Variants in GRIA3 observed in about 807,000 individuals in gnomAD.
GRIA3 encodes glutamate receptor 3.
A neutral mutation model predicts 63.0 loss-of-function variants in GRIA3; 3 were observed. The observed-to-expected ratio is 0.05, with a 90% CI of 0.02 to 0.12. GRIA3 has a LOEUF of 0.12. GRIA3 is among the 10% of genes least tolerant of loss of function. The pLI, the probability that GRIA3 is intolerant of heterozygous loss-of-function variation, is 1.00. For synonymous variants in GRIA3, 274 were observed against 257.9 expected (o/e 1.06, Z -0.60); for missense variants, 347 against 700.9 (o/e 0.50, Z 5.70).
rs190615852 is a variant in GRIA3 at position 123,199,878 on chromosome X, A to C, written c.268+13888A>C. On this transcript the variant is annotated intron_variant, in intron 2 of 15. Transcript: ENST00000620443. The stretch of plus-strand genomic sequence containing the variant: ...GAGCAAAACAAAGTCTTGAAGTCCT[A>C]TTACAGATCATAGACCGTTGGAGCT... Among the ~76,000 whole-genome samples the C allele has an allele frequency of 3.5e-4, 39 of 111,997 alleles. No homozygotes were observed. The Admixed American group carries it at 3.7e-3, about 11-fold the overall frequency.
chrX:123,404,620 T>C, intron 9 of GRIA3, 88 bp from the exon 10 acceptor site: 1 of 649,012 alleles, frequency 1.5e-6, no homozygotes, highest in Non-Finnish European at 2.5e-6. Context: ...CAAACCTCAA[T>C]AGTCACAGAG....
intron 4 of GRIA3, among the ~76,000 whole-genome samples, chrX:123,330,364 G>A (rs1182162010): frequency 1.8e-5 from 2 of 111,801 alleles, no homozygotes; most frequent in Admixed American, 9.5e-5. Flanking sequence ...TAAAACTCAA[G>A]TCTTCTGATT....
chrX:123,472,031 G>C (rs867211629), intron 13 of GRIA3, among the ~76,000 whole-genome samples: 12 of 23,888 alleles, frequency 5.0e-4, no homozygotes, highest in Non-Finnish European at 1.0e-3. Context: ...ATGACTATTT[G>C]TATGTCCTGT....
chrX:123,480,243 C>T (rs1316490112), intron 14 of GRIA3, 66 bp downstream of exon 14: 2 of 706,209 alleles, frequency 2.8e-6, no homozygotes, highest in African/African-American at 4.3e-5. Flanking sequence ...TTATTTTCTA[C>T]CCTAAAACGG....
At chrX:123,349,829 C>T (rs747119720) in intron 4 of GRIA3, among the ~76,000 whole-genome samples, 17 of 112,170 alleles carry the variant, frequency 1.5e-4, no homozygotes, top group Admixed American at 1.3e-3. Flanking sequence ...TATGTATTTA[C>T]GAAGACTCAG....
intron 5 of GRIA3, among the ~76,000 whole-genome samples, chrX:123,355,632 A>T (rs915518394): frequency 8.9e-6 from 1 of 111,936 alleles, no homozygotes; most frequent in African/African-American, 3.2e-5. Flanking sequence ...GTTCTGAATA[A>T]TACCATCTCC....
intron 9 of GRIA3, 39 bp downstream of exon 9, chrX:123,403,558 C>A: frequency 1.2e-6 from 1 of 807,551 alleles, no homozygotes; most frequent in Non-Finnish European, 1.9e-6. Flanking sequence ...TTCTGTCCAG[C>A]AAGACTTCCG....
Position 123,464,796 on chromosome X carries a change from A to G in GRIA3, c.2077-69A>G, listed in dbSNP as rs894644993. On this transcript the variant is annotated intron_variant, in intron 12 of 15. Transcript: ENST00000620443. ...TGTGGATTGCAATTAAAAAAAAAAA[A>G]CTACTGCACTAACCCTCCTCCAGAC... 9.8e-6 allele frequency: 10 copies of G among 1,022,553 alleles called. No homozygotes were observed. The African/African-American group carries it at 1.9e-4, about 20-fold the overall frequency. The allele number at this position is 1,022,553 out of a possible 1,213,427, so 84.3% of individuals were successfully genotyped here.
At chrX:123,249,787 C>T (rs2044379077) in intron 2 of GRIA3, among the ~76,000 whole-genome samples, 1 of 111,752 alleles carries the variant, frequency 8.9e-6, no homozygotes, top group South Asian at 3.8e-4. Flanking sequence ...TCCTGAGTCC[C>T]TTGTCTGAGT....
intron 5 of GRIA3, among the ~76,000 whole-genome samples, chrX:123,366,914 A>G (rs1255063782): frequency 8.9e-6 from 1 of 111,952 alleles, no homozygotes; most frequent in East Asian, 2.8e-4. Flanking sequence ...TTTGTTTTAC[A>G]GACTCTAAAG....
At chrX:123,430,334 G>A (rs1205371925) in intron 12 of GRIA3, among the ~76,000 whole-genome samples, 1 of 111,582 alleles carries the variant, frequency 9.0e-6, no homozygotes, top group Non-Finnish European at 1.9e-5. Flanking sequence ...CACTTTTTCT[G>A]TTTCCCCAAA....
At chrX:123,253,905 A>T (rs760687665) in intron 3 of GRIA3, among the ~76,000 whole-genome samples, 1 of 111,577 alleles carries the variant, frequency 9.0e-6, no homozygotes, top group East Asian at 2.8e-4. Flanking sequence ...TGGAAAATTA[A>T]TCCTGTCAGA....
chrX:123,251,653 C>T (rs2044390800), intron 2 of GRIA3, among the ~76,000 whole-genome samples: 1 of 111,419 alleles, frequency 9.0e-6, no homozygotes. Context: ...CCAGGGTGGT[C>T]TCGATCTCCT....
chrX:123,317,979 A>G (rs2044843346), intron 3 of GRIA3, among the ~76,000 whole-genome samples: 1 of 112,822 alleles, frequency 8.9e-6, no homozygotes, highest in Non-Finnish European at 1.9e-5. Flanking sequence ...AAATCCAGGC[A>G]GAGGTTTCCA....
chrX:123,352,215 G>A (rs1431179145), intron 4 of GRIA3, among the ~76,000 whole-genome samples: 2 of 111,220 alleles, frequency 1.8e-5, no homozygotes, highest in Non-Finnish European at 3.8e-5. Flanking sequence ...CGAGTAGCTG[G>A]GATTACAGGC....
At chrX:123,373,445 T>C (rs2045262376) in intron 5 of GRIA3, among the ~76,000 whole-genome samples, 1 of 111,882 alleles carries the variant, frequency 8.9e-6, no homozygotes, top group Non-Finnish European at 1.9e-5. Context: ...CGCCACTGTC[T>C]TCCACAGCGG....
intron 3 of GRIA3, among the ~76,000 whole-genome samples, chrX:123,279,677 G>A (rs1359377214): frequency 9.0e-6 from 1 of 111,214 alleles, no homozygotes; most frequent in African/African-American, 3.3e-5. Context: ...GGAGGAAGAA[G>A]TAGGCGGGGA....
chrX:123,189,516 G>A (rs763366452), intron 2 of GRIA3, among the ~76,000 whole-genome samples: 8 of 111,663 alleles, frequency 7.2e-5, no homozygotes, highest in African/African-American at 2.0e-4. Flanking sequence ...ACACTACACC[G>A]CCCCAGCCTC....
At chrX:123,466,618 A>C (rs986838629) in intron 13 of GRIA3, among the ~76,000 whole-genome samples, 5 of 112,000 alleles carry the variant, frequency 4.5e-5, no homozygotes. Context: ...CCAAGCAACA[A>C]GAAATAGGGG....
Sources: allele counts gnomAD v4.1 joint callset (sites outside exome capture counted in the v4.1 genomes callset), GRCh38; gene constraint gnomAD v4.1.1; transcripts MANE v1.5; gene names NCBI Gene and HGNC (gene_info 2026-07-23, HGNC 2026-07-21).